Variants in PDE4D observed in about 807,000 individuals in gnomAD.
The protein encoded by PDE4D is 3',5'-cyclic-AMP phosphodiesterase 4D.
PDE4D carries 24 observed loss-of-function variants against 87.4 expected under a neutral mutation model. That is an observed-to-expected ratio of 0.27 (90% confidence interval 0.20 to 0.39). The LOEUF (loss-of-function observed/expected upper bound fraction) is 0.39, where lower values mean the gene tolerates loss of function less well. Among genes scored for constraint, PDE4D ranks in the 10% least tolerant of loss-of-function variants. PDE4D has a pLI of 1.00. For synonymous variants in PDE4D, 384 were observed against 383.2 expected, an observed-to-expected ratio of 1.00 and a Z score of -0.02; for missense variants, 714 against 1,041.0, an observed-to-expected ratio of 0.69 and a Z score of 4.32.
chr5:60,246,117 C>G (rs1747744506), intron 1 of PDE4D, among the ~76,000 whole-genome samples: 1 of 151,286 alleles, frequency 6.6e-6, no homozygotes, highest in Non-Finnish European at 1.5e-5. Flanking sequence ...TAATTTGTAC[C>G]TTTTTTCATT....
chr5:59,912,576 A>T (rs992567453), intron 3 of PDE4D, among the ~76,000 whole-genome samples: 3 of 152,196 alleles, frequency 2.0e-5, no homozygotes, highest in Admixed American at 2.0e-4. Context: ...GTGTTTTTTT[A>T]AATGGCCCAT....
At chr5:59,258,321 T>G (rs1235078746) in intron 1 of PDE4D, among the ~76,000 whole-genome samples, 1 of 151,842 alleles carries the variant, frequency 6.6e-6, no homozygotes, top group African/African-American at 2.4e-5. Flanking sequence ...TTTAACTCGG[T>G]CCCTCCTGTG....
chr5:60,290,926 C>T (rs994262572), intron 1 of PDE4D, among the ~76,000 whole-genome samples: 2 of 152,146 alleles, frequency 1.3e-5, no homozygotes, highest in African/African-American at 4.8e-5. Context: ...AAAAGGGTCA[C>T]AAGCCAATAA....
At chr5:59,065,130 A>C (rs1763738260) in intron 5 of PDE4D, among the ~76,000 whole-genome samples, 1 of 150,194 alleles carries the variant, frequency 6.7e-6, no homozygotes, top group Non-Finnish European at 1.5e-5. Flanking sequence ...ACACATATAC[A>C]ATGAAATATT....
intron 1 of PDE4D, among the ~76,000 whole-genome samples, chr5:59,399,436 C>A (rs1486613147): frequency 7.2e-6 from 1 of 138,320 alleles, no homozygotes; most frequent in Non-Finnish European, 1.6e-5. Flanking sequence ...CGCATATCTA[C>A]AACTATCTGA....
chr5:59,405,986 G>C (rs954472077), intron 1 of PDE4D, among the ~76,000 whole-genome samples: 14 of 152,284 alleles, frequency 9.2e-5, no homozygotes, highest in African/African-American at 3.4e-4. Context: ...TTGGCCTGTA[G>C]TTTTCTGTTT....
intron 3 of PDE4D, among the ~76,000 whole-genome samples, chr5:59,948,315 CT>C (rs1349861428): frequency 2.6e-5 from 4 of 152,096 alleles, no homozygotes; most frequent in Admixed American, 2.6e-4. Flanking sequence ...TAATGGAATT[CT>C]TTGGTGATTG....
chr5:59,752,300 AAG>A (rs796313278), intron 1 of PDE4D, among the ~76,000 whole-genome samples: 5 of 152,330 alleles, frequency 3.3e-5, no homozygotes, highest in African/African-American at 1.2e-4. Flanking sequence ...ACTGTCTTTC[AAG>A]AGGTCTTTTT....
At chr5:60,274,012 C>T (rs1050021168) in intron 1 of PDE4D, among the ~76,000 whole-genome samples, 1 of 152,090 alleles carries the variant, frequency 6.6e-6, no homozygotes, top group Non-Finnish European at 1.5e-5. Flanking sequence ...GGTCTCAGGG[C>T]ATCAGGAGAT....
chr5:59,371,606 T>A (rs146486895), intron 1 of PDE4D, among the ~76,000 whole-genome samples: 3 of 152,288 alleles, frequency 2.0e-5, no homozygotes, highest in African/African-American at 7.2e-5. Context: ...GAAAAAAAGG[T>A]CTGTCCATGG....
intron 1 of PDE4D, among the ~76,000 whole-genome samples, chr5:60,426,190 C>A (rs1743695312): frequency 6.6e-6 from 1 of 152,090 alleles, no homozygotes; most frequent in African/African-American, 2.4e-5. Flanking sequence ...GGGTATATAC[C>A]CAAAGGATTA....
At chr5:60,469,084 A>G (rs1050013948) in intron 1 of PDE4D, among the ~76,000 whole-genome samples, 9 of 152,062 alleles carry the variant, frequency 5.9e-5, no homozygotes, top group Non-Finnish European at 1.2e-4. Flanking sequence ...CATTTATAAA[A>G]TCCACGTCTT....
At chr5:59,062,783 C>G (rs541476812) in intron 5 of PDE4D, among the ~76,000 whole-genome samples, 57 of 147,534 alleles carry the variant, frequency 3.9e-4, no homozygotes, top group African/African-American at 1.4e-3. Context: ...TTTTTAAAGG[C>G]AATCAGAACA....
intron 1 of PDE4D, among the ~76,000 whole-genome samples, chr5:59,785,449 A>T (rs1188735370): frequency 6.6e-6 from 1 of 152,236 alleles, no homozygotes; most frequent in East Asian, 1.9e-4. Context: ...TAGTGGAAAA[A>T]GCACAAAGAT....
intron 1 of PDE4D, among the ~76,000 whole-genome samples, chr5:59,771,499 G>GAAGAAA: frequency 5.1e-5 from 1 of 19,730 alleles, no homozygotes; most frequent in South Asian, 2.3e-3. Flanking sequence ...GAGAGAGAGA[G>GAAGAAA]AAGAAAGAAA....
intron 2 of PDE4D, among the ~76,000 whole-genome samples, chr5:60,078,715 C>A (rs756151702): frequency 2.6e-5 from 4 of 152,210 alleles, no homozygotes; most frequent in Non-Finnish European, 5.9e-5. Context: ...AGGATATGGT[C>A]TCATTCCTTT....
At chr5:59,147,926 C>T (rs1778905836) in intron 5 of PDE4D, among the ~76,000 whole-genome samples, 1 of 152,098 alleles carries the variant, frequency 6.6e-6, no homozygotes, top group East Asian at 1.9e-4. Context: ...ATGAAGATAA[C>T]CAGTTACGAA....
At chr5:59,207,197 A>G (rs1247642870) in intron 2 of PDE4D, among the ~76,000 whole-genome samples, 1 of 150,940 alleles carries the variant, frequency 6.6e-6, no homozygotes, top group Non-Finnish European at 1.5e-5. Flanking sequence ...AAAAGAAAAG[A>G]AAAAAAAATT....
intron 1 of PDE4D, among the ~76,000 whole-genome samples, chr5:60,188,096 A>G (rs192240810): frequency 5.8e-4 from 89 of 152,272 alleles, no homozygotes; most frequent in Admixed American, 1.4e-3. Context: ...TTTTTCTTCT[A>G]TAAGTGCTAA....
Sources: allele counts gnomAD v4.1 joint callset (sites outside exome capture counted in the v4.1 genomes callset), GRCh38; gene constraint gnomAD v4.1.1; transcripts MANE v1.5; gene names NCBI Gene and HGNC (gene_info 2026-07-23, HGNC 2026-07-21).